The following TENM2 variants were observed in gnomAD, a reference collection of about 807,000 sequenced individuals.
TENM2 encodes the protein teneurin-2.
Under a neutral mutation model 245.2 loss-of-function variants are expected in TENM2, and 52 were observed. That is an observed-to-expected ratio of 0.21 (90% CI 0.17 to 0.27). The LOEUF (loss-of-function observed/expected upper bound fraction) is 0.27, where lower values mean the gene tolerates loss of function less well. Ranked by LOEUF, TENM2 falls within the 10% of genes least tolerant of loss-of-function variation. TENM2 has a pLI of 1.00. For synonymous variants in TENM2, 1,363 were observed against 1,438.9 expected (o/e 0.95, Z 1.19); for missense variants, 3,046 against 3,666.8 (o/e 0.83, Z 4.37).
intron 2 of TENM2, among the ~76,000 whole-genome samples, chr5:167,822,972 G>A (rs1262584929): frequency 6.6e-6 from 1 of 152,150 alleles, no homozygotes; most frequent in Non-Finnish European, 1.5e-5. Context: ...ATTTTTTAAT[G>A]AACTATTTGA....
At chr5:167,604,871 T>C (rs546011302) in intron 2 of TENM2, among the ~76,000 whole-genome samples, 1 of 152,236 alleles carries the variant, frequency 6.6e-6, no homozygotes, top group East Asian at 1.9e-4. Flanking sequence ...CTGTCAACAG[T>C]GCAAACAGAG....
intron 2 of TENM2, among the ~76,000 whole-genome samples, chr5:167,403,373 A>G (rs1301274532): frequency 6.6e-6 from 1 of 152,100 alleles, no homozygotes; most frequent in African/African-American, 2.4e-5. Context: ...AATGTTATTC[A>G]TAGCTTACTT....
At chr5:168,113,394 T>A (rs1021667664) in intron 9 of TENM2, among the ~76,000 whole-genome samples, 3 of 152,168 alleles carry the variant, frequency 2.0e-5, no homozygotes, top group African/African-American at 7.2e-5. Context: ...TTAAATACAT[T>A]ATTTGAAATT....
At chr5:167,405,696 A>G (rs1056245007) in intron 2 of TENM2, among the ~76,000 whole-genome samples, 1 of 151,404 alleles carries the variant, frequency 6.6e-6, no homozygotes, top group Non-Finnish European at 1.5e-5. Context: ...ACTCAGCCTC[A>G]CCCTGTAATT....
intron 2 of TENM2, among the ~76,000 whole-genome samples, chr5:167,433,108 A>C (rs1027322090): frequency 4.8e-5 from 7 of 144,440 alleles, no homozygotes; most frequent in African/African-American, 1.9e-4. Context: ...TTTTGGTAAT[A>C]AATATTGAAT....
chr5:167,806,209 G>A (rs1426838896), intron 2 of TENM2, among the ~76,000 whole-genome samples: 2 of 152,010 alleles, frequency 1.3e-5, no homozygotes, highest in Non-Finnish European at 2.9e-5. Context: ...TTTGTAAAAG[G>A]AAAATATTAA....
the TENM2 span, among the ~76,000 whole-genome samples, chr5:167,238,694 C>CAAAAAAAAAAAAAAAA: frequency 1.7e-5 from 1 of 58,126 alleles, no homozygotes; most frequent in Non-Finnish European, 4.1e-5. Context: ...ACAGGAGATG[C>CAAAAAAAAAAAAAAAA]AAAAAAAAAA....
At chr5:167,637,301 G>GA (rs1416437587) in intron 2 of TENM2, among the ~76,000 whole-genome samples, 2 of 152,042 alleles carry the variant, frequency 1.3e-5, no homozygotes, top group South Asian at 2.1e-4. Flanking sequence ...CCTGTTTATC[G>GA]AAAAAAATAT....
intron 2 of TENM2, among the ~76,000 whole-genome samples, chr5:167,430,917 G>A (rs1203623333): frequency 6.6e-6 from 1 of 152,110 alleles, no homozygotes; most frequent in East Asian, 1.9e-4. Flanking sequence ...GTAATCTACT[G>A]CTATGTCATA....
exon 21 of TENM2, chr5:168,215,259 G>T (rs1334742442): frequency 6.2e-7 from 1 of 1,613,784 alleles, no homozygotes; most frequent in Admixed American, 1.7e-5. Flanking sequence ...ATGCAACCCT[G>T]ATGAGCCCGA....
At chr5:167,937,644 C>A (rs1040541919) in intron 3 of TENM2, 3 of 151,968 alleles carry the variant, frequency 2.0e-5, no homozygotes, top group East Asian at 3.9e-4. Context: ...CTTACATTTT[C>A]TGTTGGTTAA....
the TENM2 span, among the ~76,000 whole-genome samples, chr5:167,227,849 A>T: frequency 6.6e-6 from 1 of 152,146 alleles, no homozygotes; most frequent in Non-Finnish European, 1.5e-5. Flanking sequence ...TAGGTTTTCC[A>T]ACCCTTTCAT....
chr5:168,140,842 CT>C (rs1290646926), intron 12 of TENM2, among the ~76,000 whole-genome samples: 2 of 152,166 alleles, frequency 1.3e-5, no homozygotes, highest in East Asian at 3.9e-4. Context: ...ATACGGCCCT[CT>C]CTCAGGCTAC....
the TENM2 span, among the ~76,000 whole-genome samples, chr5:167,269,604 C>T: frequency 2.0e-5 from 3 of 151,844 alleles, no homozygotes; most frequent in South Asian, 4.2e-4. Flanking sequence ...TGTCAGTCCT[C>T]CCTCCCCTAC....
chr5:167,612,732 G>A (rs1777555252), intron 2 of TENM2, among the ~76,000 whole-genome samples: 1 of 151,972 alleles, frequency 6.6e-6, no homozygotes, highest in South Asian at 2.1e-4. Context: ...CCTGACGTAC[G>A]GGATGTTTTG....
chr5:167,947,195 G>A (rs764615654), intron 3 of TENM2, among the ~76,000 whole-genome samples: 1 of 152,058 alleles, frequency 6.6e-6, no homozygotes, highest in Non-Finnish European at 1.5e-5. Context: ...GGCCCACAGT[G>A]CCCTAGGAGG....
intron 3 of TENM2, among the ~76,000 whole-genome samples, chr5:167,920,488 A>G (rs1777282781): frequency 6.7e-6 from 1 of 149,840 alleles, no homozygotes; most frequent in African/African-American, 2.5e-5. Context: ...ACTGTACTGC[A>G]GCCTGGGCAA....
intron 2 of TENM2, among the ~76,000 whole-genome samples, chr5:167,540,988 C>T (rs1391606549): frequency 6.6e-6 from 1 of 152,102 alleles, no homozygotes; most frequent in Non-Finnish European, 1.5e-5. Flanking sequence ...TAGAAAGGTT[C>T]CTAAATGGAA....
intron 2 of TENM2, among the ~76,000 whole-genome samples, chr5:167,560,660 C>T (rs1452987426): frequency 3.3e-5 from 5 of 152,130 alleles, no homozygotes; most frequent in Non-Finnish European, 7.4e-5. Context: ...TTTTTAGGAT[C>T]AAATGGGAGC....
Sources: allele counts gnomAD v4.1 joint callset (sites outside exome capture counted in the v4.1 genomes callset), GRCh38; gene constraint gnomAD v4.1.1; transcripts MANE v1.5; gene names NCBI Gene and HGNC (gene_info 2026-07-23, HGNC 2026-07-21).